ASIC2: variants seen among roughly 807,000 people sequenced by gnomAD.
ASIC2 encodes the protein acid-sensing ion channel 2.
ASIC2 carries 25 observed loss-of-function variants against 57.3 expected under a neutral mutation model. The ratio of observed to expected loss-of-function variants is 0.44; its 90% confidence interval spans 0.32 to 0.61. ASIC2 has a LOEUF of 0.61. Ranked by LOEUF, ASIC2 falls within the 20% of genes least tolerant of loss-of-function variation. The pLI, the probability that ASIC2 is intolerant of heterozygous loss-of-function variation, is 0.06. For synonymous variants in ASIC2, 319 were observed against 307.5 expected (o/e 1.04, Z -0.39); for missense variants, 641 against 738.1 (o/e 0.87, Z 1.52).
At chr17:34,126,550 C>T (rs1019017745) in intron 1 of ASIC2, among the ~76,000 whole-genome samples, 1 of 152,180 alleles carries the variant, frequency 6.6e-6, no homozygotes, top group Non-Finnish European at 1.5e-5. Flanking sequence ...GATGTTCCCT[C>T]TTCTCCACTT....
At chr17:33,739,935 GAGAA>G (rs756782831) in intron 1 of ASIC2, among the ~76,000 whole-genome samples, 89 of 122,778 alleles carry the variant, frequency 7.2e-4, no homozygotes, top group Non-Finnish European at 1.3e-3. Context: ...AAAGAAAAAA[GAGAA>G]AGAAAGAAAA....
chr17:33,969,324 G>T (rs898728896), intron 1 of ASIC2, among the ~76,000 whole-genome samples: 2 of 152,152 alleles, frequency 1.3e-5, no homozygotes, highest in African/African-American at 4.8e-5. Context: ...AATGTTGTGG[G>T]CTGACAAAAT....
intron 2 of ASIC2, among the ~76,000 whole-genome samples, chr17:33,100,560 C>G (rs566528879): frequency 1.3e-5 from 2 of 152,240 alleles, no homozygotes; most frequent in Non-Finnish European, 2.9e-5. Flanking sequence ...CTTGGTGACA[C>G]TTAATAGTTG....
At chr17:33,573,860 G>A (rs534225953) in intron 1 of ASIC2, among the ~76,000 whole-genome samples, 3 of 152,230 alleles carry the variant, frequency 2.0e-5, no homozygotes, top group Non-Finnish European at 2.9e-5. Flanking sequence ...GCCAACACAC[G>A]CAGCCTGCCT....
chr17:33,844,962 C>T (rs369699769), intron 1 of ASIC2, among the ~76,000 whole-genome samples: 58 of 152,306 alleles, frequency 3.8e-4, no homozygotes, highest in African/African-American at 1.1e-3. Context: ...ACTTGGCTAA[C>T]GCCATGTAGC....
intron 1 of ASIC2, among the ~76,000 whole-genome samples, chr17:33,243,743 C>T (rs1337458934): frequency 6.6e-6 from 1 of 152,060 alleles, no homozygotes; most frequent in Non-Finnish European, 1.5e-5. Context: ...CTTTTTTTCA[C>T]TTAAAAATAC....
intron 3 of ASIC2, among the ~76,000 whole-genome samples, chr17:33,055,060 G>T (rs1012108545): frequency 3.3e-5 from 5 of 152,154 alleles, no homozygotes; most frequent in Admixed American, 3.3e-4. Context: ...TTGACATTGG[G>T]GTGGTTTACC....
At chr17:33,428,359 G>C (rs1378544734) in intron 1 of ASIC2, among the ~76,000 whole-genome samples, 1 of 152,210 alleles carries the variant, frequency 6.6e-6, no homozygotes, top group Admixed American at 6.5e-5. Flanking sequence ...TGTGCATCCA[G>C]GATTGAGAAC....
At chr17:33,126,118 T>C (rs773114803) in intron 1 of ASIC2, among the ~76,000 whole-genome samples, 1 of 152,178 alleles carries the variant, frequency 6.6e-6, no homozygotes, top group Non-Finnish European at 1.5e-5. Context: ...ATAGACACTA[T>C]TGTCCCATTT....
intron 1 of ASIC2, among the ~76,000 whole-genome samples, chr17:33,968,501 G>A (rs572196995): frequency 2.0e-5 from 3 of 152,336 alleles, no homozygotes; most frequent in African/African-American, 7.2e-5. Context: ...ACAGATTGCA[G>A]GAGCAATTAA....
intron 1 of ASIC2, chr17:34,038,114 A>C (rs1052066026): frequency 3.5e-5 from 56 of 1,612,826 alleles, no homozygotes; most frequent in Non-Finnish European, 4.2e-5. Flanking sequence ...TGTAATTTTT[A>C]TCTCTCCACA....
chr17:33,327,783 T>C (rs1907136436), intron 1 of ASIC2, among the ~76,000 whole-genome samples: 1 of 152,208 alleles, frequency 6.6e-6, no homozygotes, highest in Admixed American at 6.5e-5. Context: ...TAGCTGCGAA[T>C]GTGACCTGAT....
At chr17:33,119,681 A>T (rs894580331) in intron 1 of ASIC2, among the ~76,000 whole-genome samples, 1 of 152,206 alleles carries the variant, frequency 6.6e-6, no homozygotes, top group African/African-American at 2.4e-5. Flanking sequence ...ACCACCTATC[A>T]TGTTCTAAGA....
intron 1 of ASIC2, among the ~76,000 whole-genome samples, chr17:33,339,601 C>G (rs1425637624): frequency 6.6e-6 from 1 of 152,106 alleles, no homozygotes; most frequent in Non-Finnish European, 1.5e-5. Flanking sequence ...CAGAAAGGGC[C>G]CGGCACGGTG....
intron 1 of ASIC2, among the ~76,000 whole-genome samples, chr17:33,287,668 T>G (rs1905251537): frequency 6.6e-6 from 1 of 152,124 alleles, no homozygotes; most frequent in African/African-American, 2.4e-5. Context: ...GCCTAGAGGA[T>G]AAGACCCAAC....
intron 1 of ASIC2, among the ~76,000 whole-genome samples, chr17:33,372,694 A>G (rs1028365663): frequency 6.6e-6 from 1 of 151,948 alleles, no homozygotes; most frequent in East Asian, 2.0e-4. Flanking sequence ...TTCCCACCCC[A>G]TTGGAACCGC....
At chr17:34,146,333 A>T (rs1004761862) in intron 1 of ASIC2, among the ~76,000 whole-genome samples, 2 of 152,198 alleles carry the variant, frequency 1.3e-5, no homozygotes, top group Non-Finnish European at 2.9e-5. Flanking sequence ...ACTATTGTCC[A>T]TGTTACCATA....
At chr17:33,962,081 C>A (rs1444187578) in intron 1 of ASIC2, among the ~76,000 whole-genome samples, 3 of 152,174 alleles carry the variant, frequency 2.0e-5, no homozygotes, top group African/African-American at 2.4e-5. Flanking sequence ...TGTTCAATGC[C>A]TTCTCCCACC....
chr17:33,388,827 G>T (rs1279769769), intron 1 of ASIC2, among the ~76,000 whole-genome samples: 1 of 152,204 alleles, frequency 6.6e-6, no homozygotes, highest in Non-Finnish European at 1.5e-5. Flanking sequence ...AGGCAGTGTG[G>T]CTGCACTCCC....
Sources: gnomAD v4.1 joint callset for allele counts (sites outside exome capture counted in the v4.1 genomes callset) on GRCh38, gnomAD v4.1.1 for gene constraint, MANE v1.5 for transcripts, NCBI Gene and HGNC (gene_info 2026-07-23, HGNC 2026-07-21) for gene names.